The following CALN1 variants were observed in gnomAD, a reference collection of about 807,000 sequenced individuals.
CALN1 encodes calneuron 1.
In CALN1, 17 loss-of-function variants were observed where a neutral mutation model predicts 30.6. The ratio of observed to expected loss-of-function variants is 0.56; its 90% CI spans 0.38 to 0.83. The LOEUF (loss-of-function observed/expected upper bound fraction) is 0.83. Among genes scored for constraint, CALN1 ranks in the 40% least tolerant of loss-of-function variants. CALN1 has a pLI of 0.00. For synonymous variants in CALN1, 156 were observed against 131.4 expected (o/e 1.19, Z -1.28); for missense variants, 291 against 354.9 (o/e 0.82, Z 1.45).
rs191014627 is a variant in CALN1 at position 72,066,842 on chromosome 7, C to T, written c.388+39309G>A. On this transcript the variant is annotated intron_variant, in intron 4 of 6. Transcript: ENST00000395275. ...TGTTGCCCAAGCTAGAATACAGTGG[C>T]ACGACCTTGGCTCACTGCAACTTCT... Among the ~76,000 whole-genome samples the T allele has an allele frequency of 2.2e-3, 335 of 151,834 alleles. 1 individual carries two copies. Among genetic ancestry groups the T allele is most frequent in the African/African-American group, 7.7e-3 (317 of 41,354 alleles).
intron 3 of CALN1, among the ~76,000 whole-genome samples, chr7:72,209,677 C>T (rs969488596): frequency 6.6e-5 from 10 of 151,930 alleles, no homozygotes; most frequent in African/African-American, 2.2e-4. Flanking sequence ...AACAAAAAAC[C>T]CTCTCTACAC....
At chr7:72,414,989 G>A (rs36110617), upstream of CALN1, among the ~76,000 whole-genome samples, 11,822 of 152,228 alleles carry the variant, frequency 0.078, 742 homozygotes, top group East Asian at 0.27. Flanking sequence ...TTGGACTGTG[G>A]CTTTATAAGA....
upstream of CALN1, among the ~76,000 whole-genome samples, chr7:72,449,732 G>A (rs1050212183): frequency 9.2e-5 from 14 of 151,954 alleles, no homozygotes; most frequent in East Asian, 3.9e-4. Flanking sequence ...AAAATTAGCC[G>A]GGCATGGTGG....
chr7:72,204,155 A>AT lies in CALN1; in HGVS notation c.244+74530dup, dbSNP rs34607350. Reference sequence around the variant, plus strand: ...AGGCACCTGTCACCACACCTGGCTAATTTTTTTTTTTTTGTATTTTTATTA... The same window carrying AT: ...AGGCACCTGTCACCACACCTGGCTAATTTTTTTTTTTTTTGTATTTTTATTA... On this transcript the variant is annotated intron_variant, in intron 3 of 6. Coordinates refer to ENST00000395275, the MANE Select transcript of CALN1 (RefSeq NM_031468.4). Among the ~76,000 whole-genome samples, 848 of 141,820 alleles carry AT rather than the reference A, an allele frequency of 6.0e-3. 4 individuals carry two copies. Among genetic ancestry groups the AT allele is most frequent in the African/African-American group, 7.7e-3 (298 of 38,602 alleles). 93.0% of individuals were successfully genotyped at this position (141,820 alleles called of 152,430 possible).
At chr7:72,225,093 C>A (rs1353509797) in intron 3 of CALN1, among the ~76,000 whole-genome samples, 1 of 149,828 alleles carries the variant, frequency 6.7e-6, no homozygotes, top group East Asian at 2.3e-4. Flanking sequence ...CACAGCGAGA[C>A]TCCATCTCAA....
chr7:72,298,702 G>A (rs1388210883), intron 2 of CALN1, among the ~76,000 whole-genome samples: 1 of 151,788 alleles, frequency 6.6e-6, no homozygotes, highest in Non-Finnish European at 1.5e-5. Context: ...ATTCCCAAAT[G>A]TTGTGGGAGG....
At position 72,437,847 on chromosome 7, in the gene CALN1, C is replaced by G. The variant is rs113400783; in HGVS notation, c.-226+9195G>C. On this transcript the variant is annotated intron_variant, in intron 1 of 6. Coordinates refer to the CALN1 transcript ENST00000395276. ...TCCTTCCTCCCTCCCTTCCATCCTC[C>G]CTTCCTTCCTTCTTTCTTTTCTTCC... is the stretch of plus-strand genomic sequence containing the variant. 7.9e-3 allele frequency among the ~76,000 whole-genome samples: 1,144 copies of G among 144,130 alleles called. 22 individuals are homozygous for G. The highest frequency in any genetic ancestry group is 0.028 in the African/African-American group (1,094 of 38,552). The allele number at this position is 144,130 out of a possible 152,430, so 94.6% of individuals were successfully genotyped here. A position where few individuals can be genotyped will look rare whatever the true frequency, so the allele number is the denominator to read the frequency against.
At chr7:71,948,486 T>C (rs184887480) in intron 5 of CALN1, among the ~76,000 whole-genome samples, 165 of 152,104 alleles carry the variant, frequency 1.1e-3, no homozygotes, top group Admixed American at 3.5e-3. Flanking sequence ...TCCCAGCACT[T>C]TGGGAGGCTG....
At chr7:72,473,189 G>A in the CALN1 span, among the ~76,000 whole-genome samples, 2 of 151,642 alleles carry the variant, frequency 1.3e-5, no homozygotes, top group African/African-American at 2.4e-5. Flanking sequence ...GGATTCAAGC[G>A]ATCCACCCAC....
At chr7:71,897,888 G>GTTTA (rs1434254261) in intron 5 of CALN1, among the ~76,000 whole-genome samples, 1 of 145,870 alleles carries the variant, frequency 6.9e-6, no homozygotes, top group Non-Finnish European at 1.5e-5. Flanking sequence ...AAGCAATGTG[G>GTTTA]TTTACAATGT....
chr7:72,232,207 A>C (rs545200929), intron 3 of CALN1, among the ~76,000 whole-genome samples: 1 of 152,206 alleles, frequency 6.6e-6, no homozygotes. Flanking sequence ...CAAGGGGTTT[A>C]GATTTGGGCC....
In CALN1 at chr7:72,396,235, T is replaced by TAAAAAA. The variant is rs55683543; in HGVS notation, c.119+7010_119+7015dup. Among the ~76,000 whole-genome samples the TAAAAAA allele has an allele frequency of 5.8e-4, 31 of 53,306 alleles. 1 individual carries two copies. The highest frequency in any genetic ancestry group is 0.014 in the Middle Eastern group (1 of 74). The allele number at this position is 53,306 out of a possible 152,430, so 35.0% of individuals were successfully genotyped here. On this transcript the variant is annotated intron_variant, in intron 2 of 6. Coordinates refer to ENST00000395275, the MANE Select transcript of CALN1 (RefSeq NM_031468.4). ...AGCATGGTGAAACTCTTGTCTCTAC[T>TAAAAAA]AAAAAAAAAAAAAAAAAAAAAAGAA...
chr7:71,958,065 C>CAAA (rs56355838), intron 5 of CALN1, among the ~76,000 whole-genome samples: 3 of 93,850 alleles, frequency 3.2e-5, no homozygotes, highest in East Asian at 2.9e-4. Flanking sequence ...AACTCCATCT[C>CAAA]AAAAAAAAAA....
At chr7:72,068,502 G>A (rs947576435) in intron 4 of CALN1, among the ~76,000 whole-genome samples, 12 of 152,038 alleles carry the variant, frequency 7.9e-5, no homozygotes, top group Admixed American at 2.0e-4. Context: ...TTGTTTGTTT[G>A]TTTGAGACGG....
At chr7:72,199,272 C>T (rs1791249015) in intron 3 of CALN1, among the ~76,000 whole-genome samples, 1 of 152,000 alleles carries the variant, frequency 6.6e-6, no homozygotes. Flanking sequence ...GAGACCCTGT[C>T]TCAAACAACA....
intron 3 of CALN1, among the ~76,000 whole-genome samples, chr7:72,271,575 A>AATATATATAT (rs1410679506): frequency 5.4e-4 from 28 of 52,088 alleles, no homozygotes; most frequent in South Asian, 1.2e-3. Context: ...AAAAAAAAAA[A>AATATATATAT]ATATATATAT....
chr7:71,824,106 C>T (rs954609682), intron 5 of CALN1, among the ~76,000 whole-genome samples: 5 of 152,060 alleles, frequency 3.3e-5, no homozygotes, highest in Non-Finnish European at 5.9e-5. Flanking sequence ...ACTATGTTAC[C>T]CAGGCTGATC....
intron 5 of CALN1, among the ~76,000 whole-genome samples, chr7:72,015,642 C>T (rs368966070): frequency 2.6e-5 from 4 of 152,034 alleles, no homozygotes; most frequent in African/African-American, 4.8e-5. Flanking sequence ...TGGGGTTTTG[C>T]TATGTTGCCC....
At chr7:71,888,487 CAAAA>C (rs138548334) in intron 5 of CALN1, among the ~76,000 whole-genome samples, 1 of 125,260 alleles carries the variant, frequency 8.0e-6, no homozygotes, top group Non-Finnish European at 1.7e-5. Flanking sequence ...AGCAAAAAAA[CAAAA>C]AAACAAAACA....
Sources: gnomAD v4.1 joint callset for allele counts (sites outside exome capture counted in the v4.1 genomes callset) on GRCh38, gnomAD v4.1.1 for gene constraint, MANE v1.5 for transcripts, NCBI Gene and HGNC (gene_info 2026-07-23, HGNC 2026-07-21) for gene names.